The following SV2C variants were observed in gnomAD, a reference collection of about 807,000 sequenced individuals.
SV2C encodes solute carrier family 22 member B3.
Under a neutral mutation model 79.7 loss-of-function variants are expected in SV2C, and 49 were observed. That is an observed-to-expected ratio of 0.61 (90% CI 0.49 to 0.78). The LOEUF (loss-of-function observed/expected upper bound fraction) is 0.78. Among genes scored for constraint, SV2C ranks in the 30% least tolerant of loss-of-function variants. The pLI is 0.00. For missense variants in SV2C, 833 were observed against 912.9 expected, an observed-to-expected ratio of 0.91 and a Z score of 1.13; for synonymous variants, 334 against 333.2, an observed-to-expected ratio of 1.00 and a Z score of -0.03.
At chr5:76,170,596 C>T (rs1392319153) in intron 2 of SV2C, among the ~76,000 whole-genome samples, 1 of 138,648 alleles carries the variant, frequency 7.2e-6, no homozygotes, top group African/African-American at 2.6e-5. Flanking sequence ...AAACATTGTT[C>T]CCTATGTAAA....
At chr5:76,339,243 CTTT>C (rs1749390876) in intron 12 of SV2C, among the ~76,000 whole-genome samples, 1 of 151,990 alleles carries the variant, frequency 6.6e-6, no homozygotes, top group South Asian at 2.1e-4. Flanking sequence ...AATAACAATC[CTTT>C]TTATTAACTG....
chr5:76,346,183 C>T (rs1348648465), intron 12 of SV2C, among the ~76,000 whole-genome samples: 1 of 152,130 alleles, frequency 6.6e-6, no homozygotes, highest in Non-Finnish European at 1.5e-5. Context: ...TTCCACCATA[C>T]AGATACAATA....
chr5:76,283,886 T>C (rs1377460675), intron 4 of SV2C, among the ~76,000 whole-genome samples: 1 of 152,224 alleles, frequency 6.6e-6, no homozygotes, highest in Non-Finnish European at 1.5e-5. Flanking sequence ...TTCAGCTCTG[T>C]GGCCTTGAGG....
At chr5:76,266,292 C>T (rs1164735406) in intron 4 of SV2C, among the ~76,000 whole-genome samples, 2 of 152,174 alleles carry the variant, frequency 1.3e-5, no homozygotes, top group African/African-American at 4.8e-5. Flanking sequence ...ACTGCAACCT[C>T]CGCCTCCCAG....
chr5:76,340,520 C>A (rs1749422148), intron 12 of SV2C, among the ~76,000 whole-genome samples: 1 of 152,164 alleles, frequency 6.6e-6, no homozygotes, highest in South Asian at 2.1e-4. Flanking sequence ...TCCAGGAAGT[C>A]ATCCTGCAGT....
chr5:76,103,765 T>C (rs1747818005), intron 1 of SV2C, among the ~76,000 whole-genome samples: 1 of 152,250 alleles, frequency 6.6e-6, no homozygotes, highest in African/African-American at 2.4e-5. Flanking sequence ...TAAGGTGTTT[T>C]CTGATGAATT....
At chr5:76,291,615 G>GA in intron 7 of SV2C, 153 bp from the exon 8 acceptor site, 1 of 639,298 alleles carries the variant, frequency 1.6e-6, no homozygotes, top group Non-Finnish European at 2.7e-6. Context: ...GCTGAAGAAT[G>GA]AAAATTCCAA....
chr5:75,850,310 G>A, the SV2C span, among the ~76,000 whole-genome samples: 1 of 152,092 alleles, frequency 6.6e-6, no homozygotes, highest in Non-Finnish European at 1.5e-5. Flanking sequence ...CACCGTTCCC[G>A]TGATTGGTGT....
chr5:76,109,136 A>G (rs1347865183), intron 1 of SV2C, among the ~76,000 whole-genome samples: 1 of 152,244 alleles, frequency 6.6e-6, no homozygotes, highest in Non-Finnish European at 1.5e-5. Context: ...ATTACTACAT[A>G]TATCTTTAAA....
chr5:76,215,695 A>G (rs1309122317), intron 4 of SV2C, among the ~76,000 whole-genome samples: 1 of 152,186 alleles, frequency 6.6e-6, no homozygotes, highest in Non-Finnish European at 1.5e-5. Flanking sequence ...CTCCCTGTGC[A>G]TTGAGTTTGC....
rs60767964 is a variant in SV2C, at chr5:76,245,936, A to ATGTGTG, written c.913+36071_913+36076dup. 7.7e-3 allele frequency among the ~76,000 whole-genome samples: 990 copies of ATGTGTG among 129,126 alleles called. 6 individuals carry two copies. The highest frequency in any genetic ancestry group is 0.025 in the Middle Eastern group (6 of 244). The allele number at this position is 129,126 out of a possible 152,430, so 84.7% of individuals were successfully genotyped here. On this transcript the variant is annotated intron_variant, in intron 4 of 12. Coordinates refer to ENST00000502798, the MANE Select transcript of SV2C (RefSeq NM_014979.4). The stretch of plus-strand genomic sequence containing the variant: ...AGTGTGTGTGTGTGTGTGTGTGTGT[A>ATGTGTG]TGTGTGTGTGTGTGTGTGTGTGTGT...
At chr5:75,885,169 G>T in the SV2C span, among the ~76,000 whole-genome samples, 1 of 152,036 alleles carries the variant, frequency 6.6e-6, no homozygotes, top group African/African-American at 2.4e-5. Context: ...TCCCCCTATT[G>T]TCACCCTCCC....
chr5:76,123,719 A>G (rs1748612223), intron 1 of SV2C, among the ~76,000 whole-genome samples: 2 of 152,340 alleles, frequency 1.3e-5, no homozygotes, highest in East Asian at 1.9e-4. Context: ...TTGTTTTGAC[A>G]TCACAGATTT....
At chr5:76,176,136 G>C (rs1261974241) in intron 2 of SV2C, among the ~76,000 whole-genome samples, 1 of 152,140 alleles carries the variant, frequency 6.6e-6, no homozygotes, top group South Asian at 2.1e-4. Flanking sequence ...CACACACACA[G>C]GGAGCCAAAG....
chr5:76,034,187 T>C, the SV2C span, among the ~76,000 whole-genome samples: 1 of 151,700 alleles, frequency 6.6e-6, no homozygotes, highest in Non-Finnish European at 1.5e-5. Context: ...AATCATGTCA[T>C]CTGCAAACAG....
intron 4 of SV2C, among the ~76,000 whole-genome samples, chr5:76,224,784 G>C (rs1396381098): frequency 6.6e-6 from 1 of 152,134 alleles, no homozygotes; most frequent in African/African-American, 2.4e-5. Context: ...AAAAATTGTA[G>C]AGCTACCCAT....
At chr5:75,955,732 G>A in the SV2C span, among the ~76,000 whole-genome samples, 4 of 149,128 alleles carry the variant, frequency 2.7e-5, no homozygotes, top group African/African-American at 7.4e-5. Context: ...AAAAGTGGGT[G>A]AAAGACATGA....
intron 1 of SV2C, among the ~76,000 whole-genome samples, chr5:76,101,663 T>G (rs1238856564): frequency 1.3e-5 from 2 of 152,158 alleles, no homozygotes; most frequent in Non-Finnish European, 2.9e-5. Flanking sequence ...TGCTAATAAT[T>G]ATTATAAAAT....
chr5:75,939,916 C>T, the SV2C span, among the ~76,000 whole-genome samples: 12 of 152,162 alleles, frequency 7.9e-5, no homozygotes, highest in Admixed American at 2.0e-4. Flanking sequence ...GGCTCAGTTG[C>T]ATCCTTTCCA....
Sources: gnomAD v4.1 joint callset for allele counts (sites outside exome capture counted in the v4.1 genomes callset) on GRCh38, gnomAD v4.1.1 for gene constraint, MANE v1.5 for transcripts, NCBI Gene and HGNC (gene_info 2026-07-23, HGNC 2026-07-21) for gene names.